Variants in SYTL2 observed in about 807,000 individuals in gnomAD.
The protein encoded by SYTL2 is synaptotagmin-like protein 2.
SYTL2 carries 165 observed loss-of-function variants against 198.7 expected under a neutral mutation model. That is an observed-to-expected ratio of 0.83 (90% confidence interval 0.73 to 0.94). SYTL2 has a LOEUF of 0.94. Ranked by LOEUF, SYTL2 falls within the 40% of genes least tolerant of loss-of-function variation. The pLI is 0.00. For missense variants in SYTL2, 2,835 were observed against 2,582.8 expected, an observed-to-expected ratio of 1.10 and a Z score of -2.12; for synonymous variants, 966 against 917.7, an observed-to-expected ratio of 1.05 and a Z score of -0.95.
chr11:85,775,898 A>T (rs1241532676), intron 1 of SYTL2, among the ~76,000 whole-genome samples: 1 of 152,246 alleles, frequency 6.6e-6, no homozygotes, highest in African/African-American at 2.4e-5. Flanking sequence ...AAGAACTAAA[A>T]GCAATGGGTG....
At chr11:85,735,746 G>A (rs958562731) in intron 6 of SYTL2, among the ~76,000 whole-genome samples, 1 of 151,366 alleles carries the variant, frequency 6.6e-6, no homozygotes. Flanking sequence ...AATAGAGTGG[G>A]ACTCCATGGC....
chr11:85,849,922 T>C, the SYTL2 span, among the ~76,000 whole-genome samples: 6 of 144,680 alleles, frequency 4.1e-5, no homozygotes, highest in Non-Finnish European at 9.3e-5. Flanking sequence ...CCCATGAGCA[T>C]GGAATGTTCT....
intron 5 of SYTL2, among the ~76,000 whole-genome samples, chr11:85,736,846 G>A (rs529625174): frequency 2.2e-4 from 34 of 152,254 alleles, no homozygotes; most frequent in African/African-American, 7.9e-4. Flanking sequence ...AGTTAGCTCA[G>A]AATCAGACAC....
In SYTL2 at chr11:85,718,608, TAAG is replaced by T. The variant is rs2087752265; in HGVS notation, c.5482+179_5482+181del. 3 of 607,682 alleles carry T rather than the reference TAAG, an allele frequency of 4.9e-6. No homozygotes were observed. The South Asian group carries it at 6.0e-5, about 12-fold the overall frequency. 37.6% of individuals were successfully genotyped at this position (607,682 alleles called of 1,614,324 possible). A position where few individuals can be genotyped will look rare whatever the true frequency, so the allele number is the denominator to read the frequency against. On this transcript the variant is annotated intron_variant, in intron 10 of 19. Coordinates refer to ENST00000359152, the MANE Select transcript of SYTL2 (RefSeq NM_206927.4). ...ATGACAGTATCACCAGAAGAAGCCTTAAGAATACAAACTATATTAAATGTACCA... is the reference window on the plus strand; with the variant it reads ...ATGACAGTATCACCAGAAGAAGCCTTAATACAAACTATATTAAATGTACCA...
the SYTL2 span, among the ~76,000 whole-genome samples, chr11:85,833,098 A>AGAAAGAAAGAAG: frequency 1.2e-4 from 4 of 32,528 alleles, no homozygotes; most frequent in East Asian, 8.0e-4. Flanking sequence ...AAAGAAAGAA[A>AGAAAGAAAGAAG]GAAGGAAGGA....
chr11:85,698,330 T>C (rs1192784876), intron 17 of SYTL2, among the ~76,000 whole-genome samples: 1 of 152,220 alleles, frequency 6.6e-6, no homozygotes, highest in East Asian at 1.9e-4. Context: ...ACATCATTCA[T>C]TTGGGGTTTT....
At chr11:85,757,020 C>A (rs569600432) in intron 2 of SYTL2, among the ~76,000 whole-genome samples, 1 of 152,154 alleles carries the variant, frequency 6.6e-6, no homozygotes, top group Non-Finnish European at 1.5e-5. Context: ...TGTTTGACAA[C>A]AAAGGTGAAT....
chr11:85,717,338 C>G, intron 11 of SYTL2, 145 bp downstream of exon 11: 1 of 648,034 alleles, frequency 1.5e-6, no homozygotes, highest in South Asian at 1.9e-5. Context: ...CAATAAAACC[C>G]TTATCGTAAT....
chr11:85,711,092 A>G (rs1407762602), intron 13 of SYTL2, 21 bp downstream of exon 13: 14 of 1,612,910 alleles, frequency 8.7e-6, no homozygotes, highest in Non-Finnish European at 1.1e-5. Context: ...AGATATTAAT[A>G]TGGAGCCTTT....
At chr11:85,765,281 C>T (rs773516738) in intron 1 of SYTL2, among the ~76,000 whole-genome samples, 10 of 152,136 alleles carry the variant, frequency 6.6e-5, no homozygotes, top group Non-Finnish European at 8.8e-5. Context: ...CTGTCACCCA[C>T]GCTGGAGTGC....
intron 12 of SYTL2, among the ~76,000 whole-genome samples, chr11:85,712,820 A>C (rs2086552217): frequency 6.6e-6 from 1 of 151,936 alleles, no homozygotes; most frequent in African/African-American, 2.4e-5. Flanking sequence ...GGGTTCAAGC[A>C]ATTCCCCTGC....
chr11:85,715,234 T>A (rs1385762862), intron 11 of SYTL2: 2 of 152,098 alleles, frequency 1.3e-5, no homozygotes, highest in Admixed American at 1.3e-4. Context: ...GAGGATAAAT[T>A]ATAATCCTAA....
At chr11:85,848,794 C>T in the SYTL2 span, among the ~76,000 whole-genome samples, 2 of 152,288 alleles carry the variant, frequency 1.3e-5, no homozygotes, top group Non-Finnish European at 2.9e-5. Flanking sequence ...GGATAAGAAA[C>T]CCTGGCTCCA....
chr11:85,728,028 T>A, intron 7 of SYTL2, 61 bp from the exon 8 acceptor site: 1 of 1,404,068 alleles, frequency 7.1e-7, no homozygotes, highest in Non-Finnish European at 9.6e-7. Flanking sequence ...CTGTTAATCA[T>A]TCACATCATC....
chr11:85,801,232 C>T (rs764309423), intron 1 of SYTL2, among the ~76,000 whole-genome samples: 1 of 151,918 alleles, frequency 6.6e-6, no homozygotes, highest in Non-Finnish European at 1.5e-5. Context: ...CATTAGGTAT[C>T]TACTATCCCT....
Position 85,734,195 on chromosome 11 carries a change from A to G in SYTL2, c.1134T>C (p.Phe378=). The change falls in exon 7 of 20, where the codon TTT becomes TTC. Residue 378 remains phenylalanine (F), a synonymous_variant. Coordinates refer to ENST00000359152, the MANE Select transcript of SYTL2 (RefSeq NM_206927.4). ...ATTGAGAAGGCTTAGGGTCACTCTG[A>G]AACTCTTCTGTGTCCCCTGCATCTT... ...GMEDAGDTEE[F]QSDPKPSQYR... 5 of 1,614,180 alleles carry G rather than the reference A, an allele frequency of 3.1e-6. No individual in the cohort carries two copies. The highest frequency in any genetic ancestry group is 4.2e-6 in the Non-Finnish European group (5 of 1,180,018).
chr11:85,741,061 T>C (rs1445865411), intron 4 of SYTL2, among the ~76,000 whole-genome samples: 1 of 151,164 alleles, frequency 6.6e-6, no homozygotes, highest in African/African-American at 2.4e-5. Flanking sequence ...CAGATATGCC[T>C]TTTTCTGAGG....
chr11:85,695,284 G>A lies in SYTL2; in HGVS notation c.6631C>T (p.Leu2211Phe). 2 of 1,612,628 alleles carry A rather than the reference G, an allele frequency of 1.2e-6. No homozygotes were observed. The highest frequency in any genetic ancestry group is 1.7e-6 in the Non-Finnish European group (2 of 1,178,968). The change falls in exon 20 of 20, where the codon CTC becomes TTC. Residue 2211 changes from leucine (L) to phenylalanine (F), a missense_variant. Transcript: ENST00000359152. ...GGGGAGTTTACCATCTTCTCCCAGA[G>A]AGCAACTTCCTCTGAAGTAGAGTCC... ...WMDSTSEEVA[L>F]WEKMVNSPNT...
At chr11:85,746,087 C>G (rs1200736356) in intron 3 of SYTL2, among the ~76,000 whole-genome samples, 1 of 152,148 alleles carries the variant, frequency 6.6e-6, no homozygotes, top group Non-Finnish European at 1.5e-5. Flanking sequence ...GGGGTCAGGT[C>G]TAAATGTGCA....
Sources: allele counts gnomAD v4.1 joint callset (sites outside exome capture counted in the v4.1 genomes callset), GRCh38; gene constraint gnomAD v4.1.1; transcripts MANE v1.5; gene names NCBI Gene and HGNC (gene_info 2026-07-23, HGNC 2026-07-21).